Variants in ZFHX3 observed in about 807,000 individuals in gnomAD.
The protein encoded by ZFHX3 is zinc finger homeobox 3.
In ZFHX3, 42 loss-of-function variants were observed where a neutral mutation model predicts 279.1. The ratio of observed to expected loss-of-function variants is 0.15; its 90% CI spans 0.12 to 0.19. The LOEUF is 0.19. Ranked by LOEUF, ZFHX3 falls within the 10% of genes least tolerant of loss-of-function variation. The pLI is 1.00. For missense variants in ZFHX3, 4,981 were observed against 4,754.0 expected (o/e 1.05, Z -1.40); for synonymous variants, 2,293 against 1,957.8 (o/e 1.17, Z -4.52).
chr16:72,993,235 C>T (rs953432055), intron 1 of ZFHX3, among the ~76,000 whole-genome samples: 1 of 152,208 alleles, frequency 6.6e-6, no homozygotes, highest in African/African-American at 2.4e-5. Context: ...CTCCTATCAC[C>T]CACTCAACCA....
intron 5 of ZFHX3, among the ~76,000 whole-genome samples, chr16:73,241,372 C>A (rs1424012820): frequency 1.3e-5 from 2 of 152,172 alleles, no homozygotes; most frequent in African/African-American, 2.4e-5. Context: ...CAATGCTACC[C>A]TTTTCACACT....
intron 2 of ZFHX3, among the ~76,000 whole-genome samples, chr16:73,476,969 G>A (rs1019070315): frequency 6.6e-6 from 1 of 152,106 alleles, no homozygotes; most frequent in Non-Finnish European, 1.5e-5. Context: ...AAAACAGATA[G>A]CCTTTAAACT....
At chr16:73,559,541 G>A (rs2143786335) in intron 2 of ZFHX3, among the ~76,000 whole-genome samples, 2 of 152,268 alleles carry the variant, frequency 1.3e-5, no homozygotes, top group South Asian at 4.2e-4. Context: ...GTTGTCAGAA[G>A]AGCGAACAAT....
chr16:73,662,293 C>A (rs1354809907), intron 2 of ZFHX3, among the ~76,000 whole-genome samples: 1 of 152,150 alleles, frequency 6.6e-6, no homozygotes, highest in Non-Finnish European at 1.5e-5. Flanking sequence ...GCTTCATACA[C>A]AGAATTTTAC....
chr16:73,191,723 T>TC (rs1467205952), intron 5 of ZFHX3, among the ~76,000 whole-genome samples: 1 of 122,032 alleles, frequency 8.2e-6, no homozygotes. Flanking sequence ...GAGCTGTATT[T>TC]CTTTTTTTTT....
intron 1 of ZFHX3, among the ~76,000 whole-genome samples, chr16:73,794,723 C>A (rs893851728): frequency 1.3e-5 from 2 of 152,124 alleles, no homozygotes; most frequent in African/African-American, 4.8e-5. Context: ...TATTCTATAC[C>A]TTTTCCTGCA....
chr16:73,439,937 A>C (rs1004850222), intron 3 of ZFHX3, among the ~76,000 whole-genome samples: 18 of 148,752 alleles, frequency 1.2e-4, no homozygotes, highest in South Asian at 4.2e-4. Context: ...AAAAAACACA[A>C]AAAAAAAAAC....
rs1269870037 is a variant in ZFHX3 at position 73,858,106 on chromosome 16, A to AAAG, written c.-1608+33542_-1608+33544dup. Among the ~76,000 whole-genome samples, 29 of 151,912 alleles carry AAAG rather than the reference A, an allele frequency of 1.9e-4. No individual in the cohort carries two copies. In the East Asian group the frequency reaches 2.9e-3, roughly 15 times the overall value. ...ACAAGATTCTGTCTCAAAAAAAAAA[A>AAAG]AAGAAGAAGAAGAAGAAGAAGTCCC... On this transcript the variant is annotated intron_variant, in intron 1 of 17. Coordinates refer to the ZFHX3 transcript ENST00000641206.
intron 4 of ZFHX3, among the ~76,000 whole-genome samples, chr16:73,308,269 ATATATATATT>A (rs1267451875): frequency 5.6e-3 from 149 of 26,406 alleles, no homozygotes; most frequent in African/African-American, 7.0e-3. Context: ...ATATATATAT[ATATATATATT>A]TATTTATTTA....
intron 5 of ZFHX3, among the ~76,000 whole-genome samples, chr16:73,151,870 T>C (rs947158677): frequency 4.8e-5 from 4 of 84,106 alleles, no homozygotes; most frequent in African/African-American, 1.0e-4. Context: ...AAAAGAAGAA[T>C]GCAAAAAACA....
intron 1 of ZFHX3, among the ~76,000 whole-genome samples, chr16:73,684,328 G>T (rs2053056402): frequency 6.7e-6 from 1 of 148,870 alleles, no homozygotes; most frequent in Admixed American, 6.7e-5. Context: ...TATGGCATGT[G>T]TGTGTGTTTG....
intron 2 of ZFHX3, among the ~76,000 whole-genome samples, chr16:73,509,483 C>T (rs1021735738): frequency 6.6e-6 from 1 of 151,730 alleles, no homozygotes; most frequent in African/African-American, 2.4e-5. Context: ...CTTACCACTC[C>T]CACCTTGGTC....
chr16:73,583,309 T>A lies in ZFHX3; in HGVS notation c.-1547+96871A>T, dbSNP rs148098973. ...AATAAAAGTTTTTAAAATCCACAAC[T>A]AATCTTAAAAAAGAAGAAACCTGTG... is the stretch of plus-strand genomic sequence containing the variant. On this transcript the variant is annotated intron_variant, in intron 2 of 17. Transcript: ENST00000641206. Among the ~76,000 whole-genome samples, 135 of 152,186 alleles carry A rather than the reference T, an allele frequency of 8.9e-4. 2 individuals carry two copies. The highest frequency in any genetic ancestry group is 3.1e-3 in the African/African-American group (129 of 41,512).
chr16:73,831,111 TACAA>T (rs1212993107), intron 1 of ZFHX3, among the ~76,000 whole-genome samples: 2 of 152,220 alleles, frequency 1.3e-5, no homozygotes, highest in African/African-American at 4.8e-5. Context: ...CATAAAAATC[TACAA>T]ACATTCTAGA....
chr16:73,075,371 A>C (rs865807450), intron 8 of ZFHX3, among the ~76,000 whole-genome samples: 3 of 152,160 alleles, frequency 2.0e-5, no homozygotes, highest in Non-Finnish European at 4.4e-5. Flanking sequence ...TCTACTGCTG[A>C]GCCTGTGGGC....
intron 3 of ZFHX3, among the ~76,000 whole-genome samples, chr16:72,911,041 C>T (rs750125831): frequency 6.6e-6 from 1 of 152,190 alleles, no homozygotes; most frequent in East Asian, 1.9e-4. Flanking sequence ...TGGGGTTTGT[C>T]AGCCCGTGCT....
intron 4 of ZFHX3, among the ~76,000 whole-genome samples, chr16:73,270,728 G>A (rs999217056): frequency 6.6e-6 from 1 of 152,156 alleles, no homozygotes; most frequent in Non-Finnish European, 1.5e-5. Flanking sequence ...CAGGGAAAGA[G>A]TTTAAAAACA....
At chr16:73,307,823 T>C (rs987193634) in intron 4 of ZFHX3, among the ~76,000 whole-genome samples, 4 of 152,138 alleles carry the variant, frequency 2.6e-5, no homozygotes, top group Non-Finnish European at 4.4e-5. Context: ...GCACAAGAAG[T>C]ATTCGGCATT....
intron 1 of ZFHX3, among the ~76,000 whole-genome samples, chr16:73,028,608 A>T (rs1163493763): frequency 6.6e-6 from 1 of 152,182 alleles, no homozygotes; most frequent in Non-Finnish European, 1.5e-5. Flanking sequence ...AACTCAAGAC[A>T]CAGAATTCCA....
Sources: gnomAD v4.1 joint callset for allele counts (sites outside exome capture counted in the v4.1 genomes callset) on GRCh38, gnomAD v4.1.1 for gene constraint, MANE v1.5 for transcripts, NCBI Gene and HGNC (gene_info 2026-07-23, HGNC 2026-07-21) for gene names.